Variants in WDR64 observed in about 807,000 individuals in gnomAD.
WDR64 encodes WD repeat-containing protein 64.
A neutral mutation model predicts 139.3 loss-of-function variants in WDR64; 112 were observed. That is an observed-to-expected ratio of 0.80 (90% CI 0.69 to 0.94). The LOEUF is 0.94. Ranked by LOEUF, WDR64 falls within the 40% of genes least tolerant of loss-of-function variation. The pLI, the probability that WDR64 is intolerant of heterozygous loss-of-function variation, is 0.00. For missense variants in WDR64, 1,206 were observed against 1,293.1 expected (o/e 0.93, Z 1.03); for synonymous variants, 444 against 437.7 (o/e 1.01, Z -0.18).
chr1:241,796,363 G>GT lies in WDR64; in HGVS notation c.3186dup (p.Glu1063Ter). 2 of 1,609,530 alleles carry GT rather than the reference G, an allele frequency of 1.2e-6. No homozygotes were observed. ...AAGAAGAAGGGAGGTCATGTTCAAC[G>GT]TGAAAAAGTAAGTTAGTACTAATTC... On this transcript the variant is annotated frameshift_variant, in exon 27 of 28. Coordinates refer to ENST00000437684, the MANE Select transcript of WDR64 (RefSeq NM_001367482.1). LOFTEE classifies it high-confidence loss of function.
chr1:241,740,981 T>C (rs1669518964), intron 11 of WDR64, among the ~76,000 whole-genome samples: 1 of 152,260 alleles, frequency 6.6e-6, no homozygotes, highest in Non-Finnish European at 1.5e-5. Context: ...AAATTAATCT[T>C]ATTTTTATAT....
At chr1:241,660,068 C>G (rs527773701) in intron 1 of WDR64, among the ~76,000 whole-genome samples, 1 of 152,114 alleles carries the variant, frequency 6.6e-6, no homozygotes, top group African/African-American at 2.4e-5. Flanking sequence ...TTAATCCATC[C>G]TGAGTTGATT....
intron 9 of WDR64, among the ~76,000 whole-genome samples, chr1:241,716,885 C>CTAGAT (rs1668424596): frequency 1.3e-5 from 2 of 152,090 alleles, no homozygotes; most frequent in Admixed American, 1.3e-4. Context: ...CGGACAAAGC[C>CTAGAT]ATTAGTTTAA....
intron 3 of WDR64, among the ~76,000 whole-genome samples, chr1:241,671,580 C>G (rs1666229643): frequency 6.6e-6 from 1 of 152,134 alleles, no homozygotes; most frequent in Non-Finnish European, 1.5e-5. Context: ...CTCTCATCTA[C>G]CCGGGATTAT....
intron 9 of WDR64, among the ~76,000 whole-genome samples, chr1:241,720,662 G>A (rs949706955): frequency 2.7e-4 from 41 of 152,028 alleles, no homozygotes; most frequent in African/African-American, 9.9e-4. Context: ...TTTTGTTCTA[G>A]TAAATTTGTT....
chr1:241,715,484 C>G (rs1047757980), intron 9 of WDR64, among the ~76,000 whole-genome samples: 2 of 152,072 alleles, frequency 1.3e-5, no homozygotes, highest in African/African-American at 4.8e-5. Context: ...AGGGAGAGCC[C>G]CTTGGTGTGA....
chr1:241,754,361 C>T (rs1411617924), intron 14 of WDR64, among the ~76,000 whole-genome samples: 7 of 141,124 alleles, frequency 5.0e-5, no homozygotes, highest in Non-Finnish European at 9.1e-5. Flanking sequence ...CGCTCTGTCA[C>T]CAGGCTGGAG....
At chr1:241,708,486 G>A (rs1294426727) in intron 8 of WDR64, among the ~76,000 whole-genome samples, 2 of 152,008 alleles carry the variant, frequency 1.3e-5, no homozygotes, top group African/African-American at 4.8e-5. Flanking sequence ...GCTAATTTTT[G>A]TGTTTTTACT....
At chr1:241,754,291 G>A (rs1399543675) in intron 14 of WDR64, among the ~76,000 whole-genome samples, 2 of 149,824 alleles carry the variant, frequency 1.3e-5, no homozygotes, top group Non-Finnish European at 1.5e-5. Flanking sequence ...TGCAGAACGT[G>A]CAGGGTTTTT....
At position 241,735,853 on chromosome 1, in the gene WDR64, C is replaced by G. The variant is rs928078086; in HGVS notation, c.1195-2510C>G. On this transcript the variant is annotated intron_variant, in intron 10 of 27. Transcript: ENST00000437684. ...TCTCTCTCTCTCTCTCTCTCTCTCT[C>G]TCTGTGTGTGTGTGTGTGTGTGTGT... Among the ~76,000 whole-genome samples, 517 of 91,284 alleles carry G rather than the reference C, an allele frequency of 5.7e-3. 1 individual carries two copies. Among genetic ancestry groups the G allele is most frequent in the African/African-American group, 0.014 (288 of 19,978 alleles). The allele number at this position is 91,284 out of a possible 152,430, so 59.9% of individuals were successfully genotyped here. A position where few individuals can be genotyped will look rare whatever the true frequency, so the allele number is the denominator to read the frequency against.
At chr1:241,682,939 G>T (rs2148108553) in intron 6 of WDR64, among the ~76,000 whole-genome samples, 1 of 152,292 alleles carries the variant, frequency 6.6e-6, no homozygotes, top group Admixed American at 6.5e-5. Flanking sequence ...ATAAATGTTT[G>T]TTGACTGAAC....
chr1:241,749,908 C>T (rs767552530), intron 14 of WDR64, among the ~76,000 whole-genome samples, 186 bp downstream of exon 14: 3 of 152,170 alleles, frequency 2.0e-5, no homozygotes, highest in Admixed American at 1.3e-4. Flanking sequence ...AAAAAACAAT[C>T]GCTGCCCAGC....
At chr1:241,652,725 G>T in intron 1 of WDR64, 96 bp downstream of exon 1, 1 of 1,414,016 alleles carries the variant, frequency 7.1e-7, no homozygotes, top group Non-Finnish European at 9.4e-7. Context: ...AGCTTAATGT[G>T]AAAGAATGGG....
intron 9 of WDR64, among the ~76,000 whole-genome samples, chr1:241,715,902 G>A (rs78428793): frequency 0.16 from 23,709 of 152,060 alleles, 2,229 homozygotes; most frequent in Middle Eastern, 0.35. Context: ...ATTAACCTCA[G>A]TGTTCATTAT....
At chr1:241,729,851 C>CTTAT (rs141224519) in intron 10 of WDR64, among the ~76,000 whole-genome samples, 23,804 of 152,078 alleles carry the variant, frequency 0.16, 2,143 homozygotes, top group East Asian at 0.28. Context: ...AGTTCAAATA[C>CTTAT]TTTTCTTGTT....
intron 23 of WDR64, among the ~76,000 whole-genome samples, 167 bp from the exon 24 acceptor site, chr1:241,787,682 A>AAAG (rs1491095954): frequency 2.6e-5 from 4 of 151,250 alleles, no homozygotes; most frequent in African/African-American, 9.7e-5. Context: ...AAAAAAAAAA[A>AAAG]GTTTACATTA....
At chr1:241,793,579 C>T (rs1659269385) in intron 25 of WDR64, among the ~76,000 whole-genome samples, 1 of 152,148 alleles carries the variant, frequency 6.6e-6, no homozygotes, top group African/African-American at 2.4e-5. Flanking sequence ...TCAAATGAAA[C>T]AATTTTCAAA....
At chr1:241,668,394 T>C (rs1666103752) in intron 2 of WDR64, among the ~76,000 whole-genome samples, 2 of 151,630 alleles carry the variant, frequency 1.3e-5, no homozygotes, top group Non-Finnish European at 1.5e-5. Flanking sequence ...TGGAAATATA[T>C]GATTGAGGTG....
chr1:241,796,587 G>A (rs1659371653), intron 27 of WDR64, among the ~76,000 whole-genome samples: 1 of 151,856 alleles, frequency 6.6e-6, no homozygotes, highest in South Asian at 2.1e-4. Context: ...CCGCCTACCA[G>A]GTTCAAATGA....
Sources: allele counts gnomAD v4.1 joint callset (sites outside exome capture counted in the v4.1 genomes callset), GRCh38; gene constraint gnomAD v4.1.1; transcripts MANE v1.5; gene names NCBI Gene and HGNC (gene_info 2026-07-23, HGNC 2026-07-21).